The following CSMD1 variants were observed in gnomAD, a reference collection of about 807,000 sequenced individuals.
The protein encoded by CSMD1 is CUB and sushi domain-containing protein 1.
A neutral mutation model predicts 417.5 loss-of-function variants in CSMD1; 213 were observed. The ratio of observed to expected loss-of-function variants is 0.51; its 90% CI spans 0.46 to 0.57. The LOEUF is 0.57. CSMD1 is among the 20% of genes least tolerant of loss of function. The pLI, the probability that CSMD1 is intolerant of heterozygous loss-of-function variation, is 0.00. For synonymous variants in CSMD1, 2,862 were observed against 1,736.8 expected (o/e 1.65, Z -16.11); for missense variants, 6,923 against 4,529.7 (o/e 1.53, Z -15.17).
chr8:3,541,390 G>C (rs1377017070), intron 10 of CSMD1, among the ~76,000 whole-genome samples: 3 of 152,102 alleles, frequency 2.0e-5, no homozygotes, highest in African/African-American at 7.2e-5. Flanking sequence ...GAGCTGGGGA[G>C]GGAGAGCATC....
intron 5 of CSMD1, among the ~76,000 whole-genome samples, chr8:3,883,506 CCTTTAAATGAATCATGCGGCTTTATGTA>C (rs1806348875): frequency 6.6e-6 from 1 of 152,070 alleles, no homozygotes; most frequent in African/African-American, 2.4e-5. Context: ...TTTCACTGCT[CCTTTAAATGAATCATGCGGCTTTATGTA>C]CTATTTAATA....
At chr8:4,345,262 T>C (rs556871327) in intron 3 of CSMD1, among the ~76,000 whole-genome samples, 10 of 152,252 alleles carry the variant, frequency 6.6e-5, no homozygotes, top group Admixed American at 2.0e-4. Flanking sequence ...GAAAATTAGA[T>C]AGGAACTTAT....
intron 26 of CSMD1, among the ~76,000 whole-genome samples, chr8:3,252,322 C>T (rs947676962): frequency 2.6e-5 from 4 of 152,064 alleles, no homozygotes; most frequent in East Asian, 1.9e-4. Context: ...GGGATTATCA[C>T]GTGGTTTTTG....
At chr8:3,283,044 T>C (rs1802858299) in intron 26 of CSMD1, among the ~76,000 whole-genome samples, 1 of 152,108 alleles carries the variant, frequency 6.6e-6, no homozygotes, top group Admixed American at 6.6e-5. Flanking sequence ...TCGGAAACCT[T>C]TCATCAAAAA....
intron 7 of CSMD1, among the ~76,000 whole-genome samples, chr8:3,654,028 G>C (rs1047190388): frequency 6.6e-6 from 1 of 152,090 alleles, no homozygotes; most frequent in African/African-American, 2.4e-5. Flanking sequence ...TCACTGCTTG[G>C]AGGGGCCAAC....
At chr8:4,790,085 G>C (rs1456518795) in intron 1 of CSMD1, among the ~76,000 whole-genome samples, 2 of 152,172 alleles carry the variant, frequency 1.3e-5, no homozygotes, top group East Asian at 1.9e-4. Flanking sequence ...GATGAGTTTT[G>C]TGGGAAAATA....
intron 3 of CSMD1, among the ~76,000 whole-genome samples, chr8:4,406,498 G>C (rs1393508592): frequency 3.3e-5 from 5 of 152,232 alleles, no homozygotes; most frequent in African/African-American, 1.2e-4. Flanking sequence ...TGGGAACAAG[G>C]AATTTGACTA....
At chr8:4,440,181 G>T (rs1370150862) in intron 2 of CSMD1, among the ~76,000 whole-genome samples, 2 of 152,112 alleles carry the variant, frequency 1.3e-5, no homozygotes, top group African/African-American at 2.4e-5. Flanking sequence ...GATTAATAAT[G>T]TAGAAATCTT....
chr8:3,350,660 C>T (rs960246566), intron 21 of CSMD1, among the ~76,000 whole-genome samples: 7 of 151,884 alleles, frequency 4.6e-5, no homozygotes, highest in African/African-American at 1.2e-4. Flanking sequence ...AATAGGTCAC[C>T]GATTAATTGC....
At chr8:3,560,435 G>C (rs1343219643) in intron 10 of CSMD1, among the ~76,000 whole-genome samples, 2 of 152,134 alleles carry the variant, frequency 1.3e-5, no homozygotes, top group African/African-American at 4.8e-5. Flanking sequence ...AATGGGCAAA[G>C]TCAAGATGGG....
chr8:3,271,037 C>A (rs574349916), intron 26 of CSMD1, among the ~76,000 whole-genome samples: 25 of 151,736 alleles, frequency 1.6e-4, no homozygotes, highest in African/African-American at 5.8e-4. Flanking sequence ...ACTAACTTGT[C>A]ATCTAGCAAT....
chr8:3,140,345 CTCTG>C lies in CSMD1; in HGVS notation c.6241+2116_6241+2119del, dbSNP rs1257572213. Among the ~76,000 whole-genome samples, 7 of 113,982 alleles carry C rather than the reference CTCTG, an allele frequency of 6.1e-5. No individual in the cohort carries two copies. In the East Asian group the frequency reaches 1.2e-3, roughly 19 times the overall value. 74.8% of individuals were successfully genotyped at this position (113,982 alleles called of 152,430 possible). The stretch of plus-strand genomic sequence containing the variant: ...TCTGATGTTCTCTCTCTCTCTCTCT[CTCTG>C]TCTCTCTCTCTCTGTTTTTCTCTCT... On this transcript the variant is annotated intron_variant, in intron 41 of 69. Coordinates refer to ENST00000635120, the MANE Select transcript of CSMD1 (RefSeq NM_033225.6).
intron 10 of CSMD1, among the ~76,000 whole-genome samples, chr8:3,524,117 A>C (rs1353423151): frequency 6.6e-6 from 1 of 151,350 alleles, no homozygotes. Flanking sequence ...ATATGGACAT[A>C]TGTGCACATA....
At chr8:4,800,735 C>T (rs1468881958) in intron 1 of CSMD1, among the ~76,000 whole-genome samples, 2 of 152,164 alleles carry the variant, frequency 1.3e-5, no homozygotes, top group African/African-American at 4.8e-5. Context: ...TTGCTTAAGG[C>T]CTCTGGCCAC....
At chr8:3,277,831 T>A (rs1802419987) in intron 26 of CSMD1, among the ~76,000 whole-genome samples, 1 of 152,176 alleles carries the variant, frequency 6.6e-6, no homozygotes, top group Non-Finnish European at 1.5e-5. Flanking sequence ...GGGGGATGAA[T>A]TATGTCCAAG....
In CSMD1 at chr8:3,253,851, G is replaced by A. The variant is rs550833136; in HGVS notation, c.4154-23620C>T. On this transcript the variant is annotated intron_variant, in intron 26 of 69. Transcript: ENST00000635120. ...CCAATTTGCCAGTCTGTGTCTTTTA[G>A]TTGGAGCATTTAGCCCATTTACATT... Among the ~76,000 whole-genome samples, 139 of 152,142 alleles carry A rather than the reference G, an allele frequency of 9.1e-4. 1 individual carries two copies. Among genetic ancestry groups the A allele is most frequent in the Admixed American group, 8.3e-3 (127 of 15,264 alleles).
intron 1 of CSMD1, among the ~76,000 whole-genome samples, chr8:4,661,732 CAAAAT>C (rs1457871783): frequency 6.6e-6 from 1 of 152,064 alleles, no homozygotes; most frequent in Non-Finnish European, 1.5e-5. Context: ...AATTTCAAAA[CAAAAT>C]ATAGACTAAG....
intron 3 of CSMD1, among the ~76,000 whole-genome samples, chr8:4,183,828 C>G (rs1055921242): frequency 1.3e-5 from 2 of 152,104 alleles, no homozygotes; most frequent in African/African-American, 4.8e-5. Context: ...AAATGTCTCC[C>G]CTCCTGGATT....
At chr8:4,486,222 T>C (rs2008434) in intron 2 of CSMD1, among the ~76,000 whole-genome samples, 210 of 15,422 alleles carry the variant, frequency 0.014, 6 homozygotes, top group Middle Eastern at 0.062. Context: ...TATATATATA[T>C]ATACATACAT....
Sources: allele counts gnomAD v4.1 joint callset (sites outside exome capture counted in the v4.1 genomes callset), GRCh38; gene constraint gnomAD v4.1.1; transcripts MANE v1.5; gene names NCBI Gene and HGNC (gene_info 2026-07-23, HGNC 2026-07-21).